Variants in BTBD16 observed in about 807,000 individuals in gnomAD.
BTBD16 encodes the protein BTB/POZ domain-containing protein 16.
BTBD16 carries 66 observed loss-of-function variants against 67.4 expected under a neutral mutation model. That is an observed-to-expected ratio of 0.98 (90% CI 0.80 to 1.20). The LOEUF (loss-of-function observed/expected upper bound fraction) is 1.20. Among genes scored for constraint, BTBD16 ranks in the 50% most tolerant of loss-of-function variants. The pLI, the probability that BTBD16 is intolerant of heterozygous loss-of-function variation, is 0.00. For missense variants in BTBD16, 634 were observed against 616.0 expected (o/e 1.03, Z -0.31); for synonymous variants, 242 against 236.4 (o/e 1.02, Z -0.22).
At chr10:122,297,981 C>T in intron 8 of BTBD16, 144 bp downstream of exon 8, 1 of 695,386 alleles carries the variant, frequency 1.4e-6, no homozygotes, top group Non-Finnish European at 2.4e-6. Context: ...CACATGAACA[C>T]ATTTGTGTGT....
At chr10:122,283,344 G>A (rs1297914626) in intron 3 of BTBD16, among the ~76,000 whole-genome samples, 2 of 152,222 alleles carry the variant, frequency 1.3e-5, no homozygotes, top group Admixed American at 1.3e-4. Flanking sequence ...GGCAACTGCA[G>A]GCTGGTGGTG....
In BTBD16 at chr10:122,327,616, C is replaced by T. The variant is rs962949957; in HGVS notation, c.912-1864C>T. Reference sequence around the variant, plus strand: ...GATGATGAGATGACTCATGGCCTCTCCATGTCATCCACAAAAGTGGGCATC... The same window carrying T: ...GATGATGAGATGACTCATGGCCTCTTCATGTCATCCACAAAAGTGGGCATC... On this transcript the variant is annotated intron_variant, in intron 10 of 15. Coordinates refer to ENST00000260723, the MANE Select transcript of BTBD16 (RefSeq NM_144587.5). 10 of 985,304 alleles carry T rather than the reference C, an allele frequency of 1.0e-5. No homozygotes were observed. In the African/African-American group the frequency reaches 1.7e-4, roughly 17 times the overall value. 61.0% of individuals were successfully genotyped at this position (985,304 alleles called of 1,614,324 possible).
intron 7 of BTBD16, among the ~76,000 whole-genome samples, chr10:122,297,514 C>A (rs1410446918): frequency 6.6e-6 from 1 of 152,206 alleles, no homozygotes; most frequent in African/African-American, 2.4e-5. Flanking sequence ...AGCAATAATC[C>A]TTGTTCCCTG....
intron 11 of BTBD16, among the ~76,000 whole-genome samples, chr10:122,329,855 T>G (rs1447282585): frequency 6.6e-6 from 1 of 152,240 alleles, no homozygotes; most frequent in Non-Finnish European, 1.5e-5. Flanking sequence ...GCTGTTTTAT[T>G]GGCATCTAAT....
chr10:122,307,192 A>T lies in BTBD16; in HGVS notation c.795A>T (p.Leu265Phe), dbSNP rs143755383. 1 of 1,594,186 alleles carries T rather than the reference A, an allele frequency of 6.3e-7. No homozygotes were observed. Among genetic ancestry groups the T allele is most frequent in the Non-Finnish European group, 8.5e-7 (1 of 1,173,840 alleles). ...LLHKVLKSPRLFTFSEFHLLK... is the reference protein window; with the variant it reads ...LLHKVLKSPRFFTFSEFHLLK... ...TCAATCTTTTTATTTTGGCCAGGTT[A>T]TTTACCTTTAGTGAATTCCATCTTC... Residue 265 changes from leucine to phenylalanine, a missense_variant, in exon 10 of 16, where the codon TTA becomes TTT. Physicochemically the swap from Leu to Phe is conservative, Grantham distance 22. Coordinates refer to ENST00000260723, the MANE Select transcript of BTBD16 (RefSeq NM_144587.5).
At chr10:122,295,153 T>A (rs2096380814) in intron 7 of BTBD16, among the ~76,000 whole-genome samples, 1 of 152,160 alleles carries the variant, frequency 6.6e-6, no homozygotes, top group African/African-American at 2.4e-5. Context: ...GGCAGTCTGT[T>A]GTTTCATGGG....
At chr10:122,309,594 C>G (rs917003309) in intron 10 of BTBD16, among the ~76,000 whole-genome samples, 1 of 152,006 alleles carries the variant, frequency 6.6e-6, no homozygotes, top group Non-Finnish European at 1.5e-5. Flanking sequence ...CCACCCGCCT[C>G]GGCCTCCCAA....
At chr10:122,272,570 AC>A (rs1412277633) in intron 1 of BTBD16, among the ~76,000 whole-genome samples, 1 of 152,112 alleles carries the variant, frequency 6.6e-6, no homozygotes, top group Non-Finnish European at 1.5e-5. Flanking sequence ...TGAACTCCTG[AC>A]CTCAGGTGAT....
chr10:122,298,325 G>A (rs1039351336), intron 8 of BTBD16, among the ~76,000 whole-genome samples: 1 of 152,100 alleles, frequency 6.6e-6, no homozygotes, highest in East Asian at 1.9e-4. Flanking sequence ...CAGTGACCTG[G>A]GGGGGGATAC....
Position 122,272,616 on chromosome 10 carries a change from C to T in BTBD16, c.-43+1102C>T, listed in dbSNP as rs142370632. The stretch of plus-strand genomic sequence containing the variant: ...TTGGCCTCCCAAAGTGCTGGGATTA[C>T]AGGCATGAGCCACTGGGCCTGGCCC... On this transcript the variant is annotated intron_variant, in intron 1 of 15. Transcript: ENST00000260723. Among the ~76,000 whole-genome samples the T allele has an allele frequency of 8.5e-3, 1,301 of 152,188 alleles. 12 individuals are homozygous for T. The highest frequency in any genetic ancestry group is 0.024 in the Middle Eastern group (7 of 294).
intron 7 of BTBD16, among the ~76,000 whole-genome samples, chr10:122,297,346 G>A (rs2096385214): frequency 6.6e-6 from 1 of 152,200 alleles, no homozygotes; most frequent in African/African-American, 2.4e-5. Context: ...GCTGCTCTTT[G>A]ATTCCATTTG....
At chr10:122,273,679 T>C (rs1298754561) in intron 1 of BTBD16, among the ~76,000 whole-genome samples, 4 of 152,112 alleles carry the variant, frequency 2.6e-5, no homozygotes, top group African/African-American at 4.8e-5. Context: ...GCCCAGAAGA[T>C]TGAGGCTGCA....
intron 3 of BTBD16, among the ~76,000 whole-genome samples, chr10:122,282,048 C>T (rs528300505): frequency 6.6e-6 from 1 of 152,314 alleles, no homozygotes; most frequent in South Asian, 2.1e-4. Context: ...ACAGCAGAGC[C>T]TACATGACGA....
Position 122,338,057 on chromosome 10 carries a change from G to A in BTBD16, c.1493G>A (p.Ser498Asn). ...ACTGTGGGCATCCCAATCTATGTAAGTTTTGCATTCATCTTCCCAGCATCT... is the reference window on the plus strand; with the variant it reads ...ACTGTGGGCATCCCAATCTATGTAAATTTTGCATTCATCTTCCCAGCATCT... The part of the protein sequence containing the change: ...IQTVGIPIYV[S>N]FAFIFPAS Residue 498 changes from serine to asparagine, a missense_variant, in exon 16 of 16, where the codon AGT becomes AAT. Transcript: ENST00000260723. The A allele has an allele frequency of 2.5e-6, 4 of 1,611,190 alleles. No homozygotes were observed. Among genetic ancestry groups the A allele is most frequent in the Non-Finnish European group, 3.4e-6 (4 of 1,177,462 alleles).
intron 10 of BTBD16, among the ~76,000 whole-genome samples, chr10:122,310,896 T>A (rs1247784541): frequency 6.6e-6 from 1 of 152,124 alleles, no homozygotes; most frequent in African/African-American, 2.4e-5. Context: ...GAGCAGCAAC[T>A]GCGGGCATGG....
At chr10:122,323,848 G>C (rs1489750363) in intron 10 of BTBD16, among the ~76,000 whole-genome samples, 2 of 152,104 alleles carry the variant, frequency 1.3e-5, no homozygotes, top group African/African-American at 4.8e-5. Flanking sequence ...GGTGGTCCTG[G>C]GGTTGACCTT....
chr10:122,332,531 C>T lies in BTBD16; in HGVS notation c.1164+18C>T, dbSNP rs765401938. 7.6e-5 allele frequency: 122 copies of T among 1,600,952 alleles called. No individual in the cohort carries two copies. The highest frequency in any genetic ancestry group is 1.6e-4 in the Middle Eastern group (1 of 6,064). ...TTAACCAGGTACTGAGAACTGTACC[C>T]GAACAAGGGGAAGAACTGTTCCTCT... On this transcript the variant is annotated intron_variant, in intron 13 of 15. Coordinates refer to ENST00000260723, the MANE Select transcript of BTBD16 (RefSeq NM_144587.5).
At chr10:122,304,917 C>T (rs2096400892) in intron 9 of BTBD16, among the ~76,000 whole-genome samples, 1 of 152,174 alleles carries the variant, frequency 6.6e-6, no homozygotes, top group South Asian at 2.1e-4. Flanking sequence ...AGGTACTGCA[C>T]AGGCTCTGGA....
At chr10:122,315,031 C>T (rs1454197454) in intron 10 of BTBD16, among the ~76,000 whole-genome samples, 1 of 151,828 alleles carries the variant, frequency 6.6e-6, no homozygotes, top group East Asian at 1.9e-4. Context: ...GGTGTAGATA[C>T]TCTTTATCAA....
Sources: gnomAD v4.1 joint callset for allele counts (sites outside exome capture counted in the v4.1 genomes callset) on GRCh38, gnomAD v4.1.1 for gene constraint, MANE v1.5 for transcripts, NCBI Gene and HGNC (gene_info 2026-07-23, HGNC 2026-07-21) for gene names.